RBMS3: variants seen among roughly 807,000 people sequenced by gnomAD.
RBMS3 encodes RNA binding motif single stranded interacting protein 3.
Under a neutral mutation model 66.8 loss-of-function variants are expected in RBMS3, and 27 were observed. The observed-to-expected ratio is 0.40, with a 90% CI of 0.30 to 0.56. RBMS3 has a LOEUF of 0.56. RBMS3 is among the 20% of genes least tolerant of loss of function. RBMS3 has a pLI of 0.40. For missense variants in RBMS3, 513 were observed against 549.5 expected (o/e 0.93, Z 0.66); for synonymous variants, 188 against 183.0 (o/e 1.03, Z -0.22).
chr3:29,670,056 A>G (rs1044741828), intron 4 of RBMS3, among the ~76,000 whole-genome samples: 3 of 152,124 alleles, frequency 2.0e-5, no homozygotes, highest in African/African-American at 7.2e-5. Flanking sequence ...ATTCCATGTA[A>G]TCATTCCTTA....
In RBMS3 at chr3:29,349,326, C is replaced by T. The variant is rs575123857; in HGVS notation, c.75+67570C>T. Reference sequence around the variant, plus strand: ...CTGTAACCCACATCTTGTCCAGGGACATTGATCCCTGGCTCCAACAAAGTC... The same window carrying T: ...CTGTAACCCACATCTTGTCCAGGGATATTGATCCCTGGCTCCAACAAAGTC... On this transcript the variant is annotated intron_variant, in intron 1 of 14. Coordinates refer to ENST00000383767, the MANE Select transcript of RBMS3 (RefSeq NM_001003793.3). Among the ~76,000 whole-genome samples the T allele has an allele frequency of 3.4e-4, 52 of 152,320 alleles. 2 individuals carry two copies. Among genetic ancestry groups the T allele is most frequent in the Admixed American group, 3.1e-3 (48 of 15,294 alleles).
intron 4 of RBMS3, among the ~76,000 whole-genome samples, chr3:29,691,305 A>G (rs1460844085): frequency 6.6e-6 from 1 of 152,214 alleles, no homozygotes; most frequent in Non-Finnish European, 1.5e-5. Flanking sequence ...AAGAAAATTG[A>G]CTAAATAATT....
intron 7 of RBMS3, among the ~76,000 whole-genome samples, chr3:29,882,903 T>G (rs1041573544): frequency 3.3e-5 from 5 of 152,098 alleles, no homozygotes; most frequent in African/African-American, 1.2e-4. Flanking sequence ...TTTTGAAGAA[T>G]TTATAGACTC....
chr3:29,900,129 T>C (rs1269963399), intron 10 of RBMS3, among the ~76,000 whole-genome samples: 6 of 151,822 alleles, frequency 4.0e-5, no homozygotes, highest in Non-Finnish European at 8.8e-5. Flanking sequence ...AAATTTATTC[T>C]ACAAGGAAAC....
chr3:29,350,394 A>C (rs1217956972), intron 1 of RBMS3, among the ~76,000 whole-genome samples: 1 of 152,212 alleles, frequency 6.6e-6, no homozygotes, highest in Non-Finnish European at 1.5e-5. Flanking sequence ...TTGTCTAGAC[A>C]GGGATTGATG....
chr3:29,396,512 C>T (rs138775750), intron 1 of RBMS3, among the ~76,000 whole-genome samples: 367 of 152,082 alleles, frequency 2.4e-3, no homozygotes, highest in Non-Finnish European at 3.4e-3. Flanking sequence ...TAGTCTAATA[C>T]GTGAATATCC....
chr3:29,710,931 A>G (rs531876311), intron 4 of RBMS3, among the ~76,000 whole-genome samples: 18 of 152,302 alleles, frequency 1.2e-4, no homozygotes, highest in Middle Eastern at 3.4e-3. Context: ...ACATTAGTTC[A>G]TCATAAAATA....
intron 4 of RBMS3, among the ~76,000 whole-genome samples, chr3:29,737,990 A>G (rs1184399611): frequency 6.6e-6 from 1 of 152,118 alleles, no homozygotes; most frequent in Non-Finnish European, 1.5e-5. Context: ...ATTATATTTT[A>G]TTTTTGCTAT....
intron 3 of RBMS3, among the ~76,000 whole-genome samples, chr3:29,580,629 A>G (rs2047293526): frequency 6.6e-6 from 1 of 151,094 alleles, no homozygotes; most frequent in African/African-American, 2.4e-5. Flanking sequence ...TTTTCCTTAC[A>G]GCATCTGGCA....
intron 1 of RBMS3, among the ~76,000 whole-genome samples, chr3:29,381,869 C>T (rs988558673): frequency 1.3e-5 from 2 of 152,150 alleles, no homozygotes; most frequent in Non-Finnish European, 2.9e-5. Context: ...GGCTGTCGAA[C>T]CAGATTCCTC....
chr3:29,418,557 A>G (rs34699009), intron 1 of RBMS3, among the ~76,000 whole-genome samples: 18,473 of 152,100 alleles, frequency 0.12, 1,594 homozygotes, highest in Admixed American at 0.28. Flanking sequence ...TTCTTGGCCA[A>G]TGGTGGGTGT....
chr3:29,837,377 C>T (rs983899094), intron 6 of RBMS3, among the ~76,000 whole-genome samples: 6 of 151,630 alleles, frequency 4.0e-5, no homozygotes, highest in African/African-American at 1.5e-4. Context: ...AATTTCTTTG[C>T]TTTTCTTCAC....
intron 3 of RBMS3, among the ~76,000 whole-genome samples, chr3:29,545,293 T>C (rs1490852787): frequency 6.6e-6 from 1 of 152,110 alleles, no homozygotes. Flanking sequence ...AATCTCCAGA[T>C]TATACGATTA....
In RBMS3 at chr3:29,511,922, G is replaced by A. The variant is rs114215299; in HGVS notation, c.307+23423G>A. On this transcript the variant is annotated intron_variant, in intron 3 of 14. Coordinates refer to ENST00000383767, the MANE Select transcript of RBMS3 (RefSeq NM_001003793.3). The stretch of plus-strand genomic sequence containing the variant: ...TGTGCTCCTGGGTTTGGAATTCCCT[G>A]GAGAGAAGAAGTTAGAAAGTAAAAG... 2.2e-3 allele frequency among the ~76,000 whole-genome samples: 333 copies of A among 152,166 alleles called. 2 individuals carry two copies. Among genetic ancestry groups the A allele is most frequent in the African/African-American group, 7.8e-3 (323 of 41,530 alleles).
At chr3:29,555,790 G>T (rs2046338587) in intron 3 of RBMS3, among the ~76,000 whole-genome samples, 1 of 152,136 alleles carries the variant, frequency 6.6e-6, no homozygotes, top group Non-Finnish European at 1.5e-5. Flanking sequence ...CATAGACCAG[G>T]ATACCATGCT....
chr3:29,538,557 C>T (rs35906), intron 3 of RBMS3, among the ~76,000 whole-genome samples: 101,278 of 152,116 alleles, frequency 0.67, 34,613 homozygotes, highest in African/African-American at 0.83. Flanking sequence ...TTTGTTTAAG[C>T]AAGAGTTGCT....
Position 29,434,934 on chromosome 3 carries a change from C to T in RBMS3, c.248+19C>T. 2 of 1,604,210 alleles carry T rather than the reference C, an allele frequency of 1.2e-6. No homozygotes were observed. The highest frequency in any genetic ancestry group is 1.7e-6 in the Non-Finnish European group (2 of 1,173,830). On this transcript the variant is annotated intron_variant, in intron 2 of 14. Coordinates refer to ENST00000383767, the MANE Select transcript of RBMS3 (RefSeq NM_001003793.3). Reference sequence around the variant, plus strand: ...GCCAACCGTAAGTGTCCTTCTGCTGCCCGTGCTGTTTCTCACTCCCATACT... The same window carrying T: ...GCCAACCGTAAGTGTCCTTCTGCTGTCCGTGCTGTTTCTCACTCCCATACT...
intron 11 of RBMS3, among the ~76,000 whole-genome samples, chr3:29,943,561 G>A (rs974405812): frequency 6.6e-6 from 1 of 151,750 alleles, no homozygotes; most frequent in African/African-American, 2.4e-5. Context: ...TCAATGCTAG[G>A]AGACTTGGGA....
intron 10 of RBMS3, among the ~76,000 whole-genome samples, chr3:29,917,859 A>C (rs1191141526): frequency 1.3e-5 from 2 of 152,134 alleles, no homozygotes; most frequent in Non-Finnish European, 2.9e-5. Flanking sequence ...CATCAGCAAG[A>C]AGTTCATTGG....
Sources: gnomAD v4.1 joint callset for allele counts (sites outside exome capture counted in the v4.1 genomes callset) on GRCh38, gnomAD v4.1.1 for gene constraint, MANE v1.5 for transcripts, NCBI Gene and HGNC (gene_info 2026-07-23, HGNC 2026-07-21) for gene names.